ERP44: variants seen among roughly 807,000 people sequenced by gnomAD.
The protein encoded by ERP44 is endoplasmic reticulum resident protein 44.
A neutral mutation model predicts 53.4 loss-of-function variants in ERP44; 25 were observed. The ratio of observed to expected loss-of-function variants is 0.47; its 90% CI spans 0.34 to 0.65. The LOEUF is 0.65. Ranked by LOEUF, ERP44 falls within the 30% of genes least tolerant of loss-of-function variation. The probability of loss-of-function intolerance (pLI) is 0.01; values close to 1 mark genes in which losing one functional copy is unlikely to be tolerated. For synonymous variants in ERP44, 145 were observed against 161.2 expected, an observed-to-expected ratio of 0.90 and a Z score of 0.76; for missense variants, 338 against 493.2, an observed-to-expected ratio of 0.69 and a Z score of 2.98.
chr9:100,012,859 C>A (rs1033042473), intron 8 of ERP44, among the ~76,000 whole-genome samples: 3 of 151,986 alleles, frequency 2.0e-5, no homozygotes, highest in African/African-American at 7.3e-5. Context: ...CCCTGAGAAG[C>A]AAATAAAAGA....
intron 1 of ERP44, among the ~76,000 whole-genome samples, chr9:100,065,653 T>C (rs1826203193): frequency 6.6e-6 from 1 of 152,194 alleles, no homozygotes; most frequent in African/African-American, 2.4e-5. Context: ...AAATCATCCA[T>C]AAATTACCAC....
At chr9:99,985,684 G>A (rs1444080521) in intron 10 of ERP44, among the ~76,000 whole-genome samples, 1 of 152,138 alleles carries the variant, frequency 6.6e-6, no homozygotes, top group Non-Finnish European at 1.5e-5. Flanking sequence ...AAATTAACCT[G>A]AACCAGGGCA....
rs559892777 is a variant in ERP44, at chr9:100,017,998, C to CCTAATGCCAGCTCTGCTACT, written c.645+238_645+257dup. 7.4e-4 allele frequency among the ~76,000 whole-genome samples: 112 copies of CCTAATGCCAGCTCTGCTACT among 152,008 alleles called. 1 individual carries two copies. Among genetic ancestry groups the CCTAATGCCAGCTCTGCTACT allele is most frequent in the African/African-American group, 2.7e-3 (110 of 41,380 alleles). On this transcript the variant is annotated intron_variant, in intron 7 of 11. Coordinates refer to ENST00000262455, the MANE Select transcript of ERP44 (RefSeq NM_015051.3). ...GAAAAGGCCTGAGAGTCAGGAGATC[C>CCTAATGCCAGCTCTGCTACT]CTAATGCCAGCTCTGCTACTCTAAT...
chr9:99,990,437 T>C (rs937216612), intron 10 of ERP44, among the ~76,000 whole-genome samples: 1 of 152,122 alleles, frequency 6.6e-6, no homozygotes, highest in Non-Finnish European at 1.5e-5. Flanking sequence ...GAAGGAGAAA[T>C]AAAATCCTTT....
intron 4 of ERP44, among the ~76,000 whole-genome samples, chr9:100,028,407 T>C (rs528261004): frequency 5.9e-5 from 9 of 152,328 alleles, no homozygotes; most frequent in African/African-American, 1.4e-4. Flanking sequence ...CGCTCCTGAA[T>C]TCCCCAAATG....
intron 1 of ERP44, among the ~76,000 whole-genome samples, chr9:100,080,795 T>C (rs981534238): frequency 6.6e-6 from 1 of 152,048 alleles, no homozygotes; most frequent in African/African-American, 2.4e-5. Context: ...AGCTATGGAG[T>C]TGATCCTCCA....
In ERP44 at chr9:100,057,804, C is replaced by A. The variant is rs1442813909; in HGVS notation, c.170+16G>T. 2 of 1,598,238 alleles carry A rather than the reference C, an allele frequency of 1.3e-6. No homozygotes were observed. The highest frequency in any genetic ancestry group is 2.3e-5 in the East Asian group (1 of 44,402). Reference sequence around the variant, plus strand: ...AAGTAAAAACAAAACCAAACCCAAACAATAAGATTACTTACCAGTCAGCAT... The same window carrying A: ...AAGTAAAAACAAAACCAAACCCAAAAAATAAGATTACTTACCAGTCAGCAT... On this transcript the variant is annotated intron_variant, in intron 3 of 11. Transcript: ENST00000262455.
chr9:100,026,765 C>G (rs185139846), intron 4 of ERP44, among the ~76,000 whole-genome samples: 1 of 152,298 alleles, frequency 6.6e-6, no homozygotes, highest in Admixed American at 6.5e-5. Flanking sequence ...ACTTTGTCAA[C>G]AAGAAGTCAA....
At chr9:99,983,331 G>C (rs1455196208) in intron 11 of ERP44, among the ~76,000 whole-genome samples, 1 of 151,916 alleles carries the variant, frequency 6.6e-6, no homozygotes. Context: ...GGATCATGAG[G>C]TCAGGAGATC....
intron 4 of ERP44, among the ~76,000 whole-genome samples, chr9:100,033,671 C>T (rs1469604496): frequency 6.6e-6 from 1 of 152,156 alleles, no homozygotes; most frequent in Non-Finnish European, 1.5e-5. Context: ...CTATGGTACA[C>T]CTGTCTCATC....
chr9:99,989,036 C>T (rs1830225607), intron 10 of ERP44, among the ~76,000 whole-genome samples: 1 of 152,144 alleles, frequency 6.6e-6, no homozygotes, highest in Non-Finnish European at 1.5e-5. Flanking sequence ...GGCCAGGAAT[C>T]TCGAACTGGG....
At chr9:99,996,970 TAC>T (rs1339728674) in intron 10 of ERP44, among the ~76,000 whole-genome samples, 1 of 148,178 alleles carries the variant, frequency 6.7e-6, no homozygotes, top group Non-Finnish European at 1.5e-5. Context: ...TATGTACACA[TAC>T]ACACGTATGT....
At chr9:100,087,450 C>T (rs961601445) in intron 1 of ERP44, among the ~76,000 whole-genome samples, 2 of 152,144 alleles carry the variant, frequency 1.3e-5, no homozygotes, top group African/African-American at 4.8e-5. Flanking sequence ...AAAAGGGTAT[C>T]TATTTAGTCA....
At chr9:100,077,547 C>A (rs1327689938) in intron 1 of ERP44, among the ~76,000 whole-genome samples, 1 of 152,204 alleles carries the variant, frequency 6.6e-6, no homozygotes. Flanking sequence ...CACCACTCAC[C>A]ATCACCCCTA....
At chr9:100,069,966 C>T (rs1005594302) in intron 1 of ERP44, among the ~76,000 whole-genome samples, 5 of 152,158 alleles carry the variant, frequency 3.3e-5, no homozygotes, top group African/African-American at 1.2e-4. Context: ...CTCTGACCTT[C>T]AAAGAGTATA....
chr9:100,031,129 T>A (rs898339206), intron 4 of ERP44, among the ~76,000 whole-genome samples: 2 of 152,046 alleles, frequency 1.3e-5, no homozygotes, highest in Non-Finnish European at 2.9e-5. Flanking sequence ...TAGGATCCCA[T>A]AAGCCCAGGT....
At chr9:100,086,719 A>C (rs1432076655) in intron 1 of ERP44, among the ~76,000 whole-genome samples, 1 of 152,236 alleles carries the variant, frequency 6.6e-6, no homozygotes, top group Non-Finnish European at 1.5e-5. Flanking sequence ...GGAATGAAGC[A>C]GGTCTTTCCA....
intron 10 of ERP44, among the ~76,000 whole-genome samples, chr9:100,003,204 T>C (rs895267921): frequency 6.6e-6 from 1 of 152,254 alleles, no homozygotes; most frequent in Admixed American, 6.5e-5. Context: ...CCTGATTTCA[T>C]TGAATTGTTT....
chr9:100,005,226 C>G (rs998342202), intron 10 of ERP44, among the ~76,000 whole-genome samples: 1 of 152,136 alleles, frequency 6.6e-6, no homozygotes, highest in Non-Finnish European at 1.5e-5. Context: ...AACTTTATAC[C>G]TACCTTCGGC....
Sources: gnomAD v4.1 joint callset for allele counts (sites outside exome capture counted in the v4.1 genomes callset) on GRCh38, gnomAD v4.1.1 for gene constraint, MANE v1.5 for transcripts, NCBI Gene and HGNC (gene_info 2026-07-23, HGNC 2026-07-21) for gene names.